Variants in TTC28 observed in about 807,000 individuals in gnomAD.
TTC28 encodes tetratricopeptide repeat protein 28.
In TTC28, 61 loss-of-function variants were observed where a neutral mutation model predicts 198.0. The ratio of observed to expected loss-of-function variants is 0.31; its 90% CI spans 0.25 to 0.38. The LOEUF (loss-of-function observed/expected upper bound fraction) is 0.38, where lower values mean the gene tolerates loss of function less well. Among genes scored for constraint, TTC28 ranks in the 10% least tolerant of loss-of-function variants. The probability of loss-of-function intolerance (pLI) is 1.00; values close to 1 mark genes in which losing one functional copy is unlikely to be tolerated. For missense variants in TTC28, 2,678 were observed against 3,164.0 expected (o/e 0.85, Z 3.69); for synonymous variants, 1,171 against 1,297.8 (o/e 0.90, Z 2.10).
At position 28,653,284 on chromosome 22, in the gene TTC28, A is replaced by G. The variant is rs142036129; in HGVS notation, c.103-23454T>C. Reference sequence around the variant, plus strand: ...TTTGGGAGGCCAAGGCAGGTGGATCACTTGAGCCCAGGAGTTCCAGACCAG... The same window carrying G: ...TTTGGGAGGCCAAGGCAGGTGGATCGCTTGAGCCCAGGAGTTCCAGACCAG... On this transcript the variant is annotated intron_variant, in intron 1 of 22. Coordinates refer to ENST00000397906, the MANE Select transcript of TTC28 (RefSeq NM_001145418.2). Among the ~76,000 whole-genome samples the G allele has an allele frequency of 2.1e-3, 316 of 152,296 alleles. 1 individual carries two copies. Among genetic ancestry groups the G allele is most frequent in the African/African-American group, 7.0e-3 (292 of 41,572 alleles).
At chr22:28,398,439 T>A (rs1049560583) in intron 2 of TTC28, among the ~76,000 whole-genome samples, 4 of 152,196 alleles carry the variant, frequency 2.6e-5, no homozygotes, top group African/African-American at 9.6e-5. Flanking sequence ...ATTAGAAGCA[T>A]GAGCATAAAG....
intron 2 of TTC28, among the ~76,000 whole-genome samples, chr22:28,486,062 A>G (rs2048311378): frequency 6.6e-6 from 1 of 152,160 alleles, no homozygotes; most frequent in African/African-American, 2.4e-5. Context: ...AAAGACAATT[A>G]TAAGGGAAAA....
At chr22:28,138,021 T>A (rs1055961226) in intron 6 of TTC28, among the ~76,000 whole-genome samples, 9 of 151,764 alleles carry the variant, frequency 5.9e-5, no homozygotes, top group African/African-American at 2.2e-4. Flanking sequence ...GTTGTTGTTT[T>A]TTTTTAAAAA....
At chr22:28,620,810 G>A (rs901364352) in intron 2 of TTC28, among the ~76,000 whole-genome samples, 5 of 152,218 alleles carry the variant, frequency 3.3e-5, no homozygotes, top group South Asian at 4.1e-4. Context: ...CAAAGATGTC[G>A]CAGAAAAATG....
In TTC28 at chr22:28,098,857, C is replaced by G. The variant is rs914817139; in HGVS notation, c.3547+58G>C. 2.1e-5 allele frequency: 32 copies of G among 1,523,166 alleles called. No homozygotes were observed. In the African/African-American group the frequency reaches 2.6e-4, roughly 13 times the overall value. 94.4% of individuals were successfully genotyped at this position (1,523,166 alleles called of 1,614,324 possible). A position where few individuals can be genotyped will look rare whatever the true frequency, so the allele number is the denominator to read the frequency against. On this transcript the variant is annotated intron_variant, in intron 10 of 22. Transcript: ENST00000397906. The stretch of plus-strand genomic sequence containing the variant: ...TCACTAAACAACTTGGACACATGGA[C>G]GCGCACCCGTGCGCACTAGTGCACA...
chr22:28,081,488 C>A (rs559482337), intron 12 of TTC28, among the ~76,000 whole-genome samples: 168 of 150,318 alleles, frequency 1.1e-3, no homozygotes, highest in Middle Eastern at 3.4e-3. Flanking sequence ...AAGTATGCCA[C>A]CAGGATTTTT....
At chr22:28,159,283 C>G (rs1225729953) in intron 6 of TTC28, among the ~76,000 whole-genome samples, 1 of 152,082 alleles carries the variant, frequency 6.6e-6, no homozygotes, top group Non-Finnish European at 1.5e-5. Flanking sequence ...AAAGGGAACC[C>G]TAGCACACTG....
chr22:27,985,190 G>GC, intron 22 of TTC28, 59 bp downstream of exon 22: 1 of 1,266,282 alleles, frequency 7.9e-7, no homozygotes, highest in Non-Finnish European at 1.1e-6. Flanking sequence ...GCTGGTGTCG[G>GC]CCCCCAGGGA....
chr22:28,181,414 A>G (rs1601437359), intron 5 of TTC28, among the ~76,000 whole-genome samples: 2 of 152,208 alleles, frequency 1.3e-5, no homozygotes, highest in East Asian at 3.9e-4. Flanking sequence ...GAAAGTTGGC[A>G]AGAAACACTA....
intron 2 of TTC28, among the ~76,000 whole-genome samples, chr22:28,481,072 AT>A (rs1288641358): frequency 6.6e-6 from 1 of 152,194 alleles, no homozygotes; most frequent in African/African-American, 2.4e-5. Context: ...CTTAACTACT[AT>A]GCTATTCTGT....
At chr22:28,547,215 AGTGTGT>A (rs113464807) in intron 2 of TTC28, among the ~76,000 whole-genome samples, 3 of 149,596 alleles carry the variant, frequency 2.0e-5, no homozygotes, top group Non-Finnish European at 3.0e-5. Flanking sequence ...TGTGTGTGTG[AGTGTGT>A]GTGTGTGTGT....
At chr22:28,018,962 T>C (rs189976154) in intron 13 of TTC28, among the ~76,000 whole-genome samples, 17 of 152,364 alleles carry the variant, frequency 1.1e-4, no homozygotes, top group Admixed American at 5.9e-4. Context: ...CCCTTTCACA[T>C]GCAGTTTCTG....
intron 6 of TTC28, among the ~76,000 whole-genome samples, chr22:28,110,196 G>C (rs985640776): frequency 5.9e-5 from 9 of 152,154 alleles, no homozygotes; most frequent in African/African-American, 2.2e-4. Flanking sequence ...CACTCTGCTG[G>C]TCCTGACTCC....
At chr22:28,635,645 G>C (rs2051257477) in intron 1 of TTC28, among the ~76,000 whole-genome samples, 3 of 151,986 alleles carry the variant, frequency 2.0e-5, no homozygotes, top group Non-Finnish European at 4.4e-5. Flanking sequence ...TTCCAGTCCT[G>C]TTATAAATTT....
chr22:28,142,300 G>A (rs1001776806), intron 6 of TTC28, among the ~76,000 whole-genome samples: 8 of 152,146 alleles, frequency 5.3e-5, no homozygotes, highest in African/African-American at 9.7e-5. Flanking sequence ...CAACAATTCC[G>A]CCTAGAATAG....
rs115738554 is a variant in TTC28, at chr22:28,143,601, A to C, written c.1441+19491T>G. 3.6e-3 allele frequency among the ~76,000 whole-genome samples: 542 copies of C among 152,340 alleles called. 1 individual carries two copies. The highest frequency in any genetic ancestry group is 0.012 in the African/African-American group (487 of 41,582). On this transcript the variant is annotated intron_variant, in intron 6 of 22. Transcript: ENST00000397906. ...GTATGACTCCCTTTTTCAAGATTTA[A>C]TGTAAATGAGGGAGAACAGAGAGCG...
At chr22:28,560,291 G>A (rs1261643834) in intron 2 of TTC28, among the ~76,000 whole-genome samples, 4 of 152,146 alleles carry the variant, frequency 2.6e-5, no homozygotes, top group Admixed American at 2.0e-4. Context: ...CAGCAACAGC[G>A]CTCTAATTGA....
Position 28,379,368 on chromosome 22 carries a change from A to G in TTC28, c.382-72725T>C, listed in dbSNP as rs1321196242. 4.6e-5 allele frequency among the ~76,000 whole-genome samples: 7 copies of G among 152,290 alleles called. No individual in the cohort carries two copies. In the South Asian group the frequency reaches 1.5e-3, roughly 32 times the overall value. On this transcript the variant is annotated intron_variant, in intron 2 of 22. Coordinates refer to ENST00000397906, the MANE Select transcript of TTC28 (RefSeq NM_001145418.2). ...CTTATTCACAATAACCAAAGGGTGG[A>G]GGCAACCCAAGTTTCTATTGAAGAA...
chr22:28,595,840 C>T (rs776339749), intron 2 of TTC28, among the ~76,000 whole-genome samples: 1 of 152,170 alleles, frequency 6.6e-6, no homozygotes, highest in Non-Finnish European at 1.5e-5. Flanking sequence ...AGGAGAATCG[C>T]TTGAACCCGG....
Sources: allele counts gnomAD v4.1 joint callset (sites outside exome capture counted in the v4.1 genomes callset), GRCh38; gene constraint gnomAD v4.1.1; transcripts MANE v1.5; gene names NCBI Gene and HGNC (gene_info 2026-07-23, HGNC 2026-07-21).